The following WDR62 variants were observed in gnomAD, a reference collection of about 807,000 sequenced individuals.
WDR62 encodes the protein WD repeat domain 62.
In WDR62, 112 loss-of-function variants were observed where a neutral mutation model predicts 160.6. That is an observed-to-expected ratio of 0.70 (90% CI 0.60 to 0.82). The LOEUF is 0.82. Among genes scored for constraint, WDR62 ranks in the 40% least tolerant of loss-of-function variants. WDR62 has a pLI of 0.00. For synonymous variants in WDR62, 792 were observed against 815.1 expected (o/e 0.97, Z 0.48); for missense variants, 1,819 against 1,983.8 (o/e 0.92, Z 1.58).
At position 36,090,439 on chromosome 19, in the gene WDR62, C is replaced by T; in HGVS notation, c.1959-6C>T. 6.2e-7 allele frequency: 1 copy of T among 1,613,998 alleles called. No individual in the cohort carries two copies. The highest frequency in any genetic ancestry group is 1.1e-5 in the South Asian group (1 of 91,084). On this transcript the variant is annotated splice_region_variant and splice_polypyrimidine_tract_variant and intron_variant, in intron 15 of 31. Transcript: ENST00000401500. ...TGTTGGCCGCAACATGCCCCTACTT[C>T]CCCAGAGTCTACAACACTGTGAACG... is the stretch of plus-strand genomic sequence containing the variant.
Position 36,067,332 on chromosome 19 carries a change from G to A in WDR62, c.588G>A (p.Lys196=). The change falls in exon 6 of 32, where the codon AAG becomes AAA. Residue 196 remains lysine, a synonymous_variant. Transcript: ENST00000401500. ...WKKDIVVASN[K]VSCRVIALSF... ...AAGACATCGTAGTGGCCTCCAACAAGGTATCTTGTAGAGTCATTGCCCTCT... is the reference window on the plus strand; with the variant it reads ...AAGACATCGTAGTGGCCTCCAACAAAGTATCTTGTAGAGTCATTGCCCTCT... The A allele has an allele frequency of 1.2e-6, 2 of 1,614,200 alleles. No homozygotes were observed. Among genetic ancestry groups the A allele is most frequent in the Non-Finnish European group, 1.7e-6 (2 of 1,180,042 alleles).
chr19:36,091,280 C>G lies in WDR62; in HGVS notation c.2115C>G (p.Gly705=). The change falls in exon 17 of 32, where the codon GGC becomes GGG. Residue 705 remains glycine (G), a synonymous_variant. Coordinates refer to ENST00000401500, the MANE Select transcript of WDR62 (RefSeq NM_001083961.2). ...KSISVIDFYS[G]ECIAKMFGHS... The stretch of plus-strand genomic sequence containing the variant: ...TCTCAGTGATTGACTTTTACTCGGG[C>G]GAGTGCATTGCCAAGATGTTTGGCC... The G allele has an allele frequency of 6.2e-7, 1 of 1,613,900 alleles. No individual in the cohort carries two copies. The highest frequency in any genetic ancestry group is 8.5e-7 in the Non-Finnish European group (1 of 1,180,044).
Position 36,103,640 on chromosome 19 carries a change from C to T in WDR62, c.3812C>T (p.Ala1271Val), listed in dbSNP as rs111294536. The change falls in exon 30 of 32, where the codon GCG becomes GTG. Residue 1271 changes from alanine to valine, a missense_variant. Ala to Val is a moderately conservative substitution (Grantham distance 64). Around this residue, in one of 3 missense-constraint regions of WDR62, gnomAD observed 770 missense variants for 734.2 expected, o/e 1.05. Coordinates refer to ENST00000401500, the MANE Select transcript of WDR62 (RefSeq NM_001083961.2). ...CAGGAGCTTCAGGCCATCACCACCG[C>T]GACAACACCCAGTTTGGACAGTGAG... The part of the protein sequence containing the change: ...LGQELQAITT[A>V]TTPSLDSEGQ... The T allele has an allele frequency of 4.4e-3, 7,001 of 1,609,386 alleles. 23 individuals carry two copies. Among genetic ancestry groups the T allele is most frequent in the Non-Finnish European group, 5.4e-3 (6,423 of 1,179,596 alleles).
intron 1 of WDR62, among the ~76,000 whole-genome samples, chr19:36,055,816 A>T (rs193179795): frequency 6.6e-6 from 1 of 152,304 alleles, no homozygotes; most frequent in East Asian, 1.9e-4. Context: ...GGCAATTAAA[A>T]AAATTGTTTT....
intron 7 of WDR62, 77 bp downstream of exon 7, chr19:36,068,087 T>C (rs979971158): frequency 6.6e-7 from 1 of 1,515,750 alleles, no homozygotes; most frequent in African/African-American, 1.4e-5. Context: ...TCATCAGCAT[T>C]GACCACACAG....
In WDR62 at chr19:36,073,404, C is replaced by T. The variant is rs770870866; in HGVS notation, c.1106C>T (p.Pro369Leu). 6.2e-7 allele frequency: 1 copy of T among 1,614,152 alleles called. No homozygotes were observed. The change falls in exon 9 of 32, where the codon CCC (proline) becomes CTC (leucine). Residue 369 changes from proline to leucine, a missense_variant. This residue lies in a region of WDR62 where 934 missense variants were observed against 1,157.2 expected (regional missense o/e 0.81). Coordinates refer to ENST00000401500, the MANE Select transcript of WDR62 (RefSeq NM_001083961.2). ...GATACAGTGGCACTGACCTTCGACC[C>T]CATCCACCAGTGGCTGTCCTGCGTG... ...YPDTVALTFDPIHQWLSCVYK... is the reference protein window; with the variant it reads ...YPDTVALTFDLIHQWLSCVYK...
chr19:36,073,550 C>G lies in WDR62; in HGVS notation c.1233+19C>G, dbSNP rs1488113219. On this transcript the variant is annotated intron_variant, in intron 9 of 31. Coordinates refer to ENST00000401500, the MANE Select transcript of WDR62 (RefSeq NM_001083961.2). ...CGTGGAGGTGAGCCCCCCCCCCACC[C>G]CCTTGCCCCTGCTTGGCCTCTGCAC... The G allele has an allele frequency of 6.4e-7, 1 of 1,552,644 alleles. No individual in the cohort carries two copies. Among genetic ancestry groups the G allele is most frequent in the African/African-American group, 1.4e-5 (1 of 73,416 alleles).
intron 7 of WDR62, among the ~76,000 whole-genome samples, chr19:36,069,545 G>A (rs547407203): frequency 8.8e-4 from 133 of 151,810 alleles, no homozygotes; most frequent in African/African-American, 3.2e-3. Flanking sequence ...CATCCCAGAC[G>A]ATGGGCGGCC....
At chr19:36,096,568 G>A (rs372017940) in intron 20 of WDR62, among the ~76,000 whole-genome samples, 70 of 152,058 alleles carry the variant, frequency 4.6e-4, no homozygotes, top group Non-Finnish European at 8.4e-4. Flanking sequence ...AAAATTAGCC[G>A]GGCATGGTGG....
chr19:36,105,131 C>G, downstream of WDR62: 4 of 1,441,468 alleles, frequency 2.8e-6, no homozygotes, highest in Non-Finnish European at 3.7e-6. Context: ...TCTGTTTGGG[C>G]CTATCCACAA....
At position 36,054,914 on chromosome 19, in the gene WDR62, T is replaced by C. The variant is rs1970259808; in HGVS notation, c.-58T>C. 3 of 1,542,070 alleles carry C rather than the reference T, an allele frequency of 1.9e-6. No individual in the cohort carries two copies. Among genetic ancestry groups the C allele is most frequent in the African/African-American group, 1.4e-5 (1 of 73,308 alleles). On this transcript the variant is annotated 5_prime_UTR_variant, in exon 1 of 32. Coordinates refer to ENST00000401500, the MANE Select transcript of WDR62 (RefSeq NM_001083961.2). ...GGCTGTTCGCTGTTCCAGTGGGTCG[T>C]GGCGGTGGCGGCAGCGGCGGTTAGG... is the stretch of plus-strand genomic sequence containing the variant.
chr19:36,094,009 C>T, intron 19 of WDR62, 22 bp from the exon 20 acceptor site: 2 of 1,613,310 alleles, frequency 1.2e-6, no homozygotes, highest in Non-Finnish European at 1.7e-6. Flanking sequence ...TCTCTCCTTA[C>T]CATCCTCATT....
chr19:36,094,627 C>T (rs1262752053), intron 20 of WDR62, among the ~76,000 whole-genome samples: 3 of 151,512 alleles, frequency 2.0e-5, no homozygotes, highest in Non-Finnish European at 4.4e-5. Flanking sequence ...TGGTGGCTCA[C>T]ACCTGGAATT....
chr19:36,100,046 G>A (rs1252155773), intron 22 of WDR62, among the ~76,000 whole-genome samples: 1 of 152,188 alleles, frequency 6.6e-6, no homozygotes, highest in African/African-American at 2.4e-5. Flanking sequence ...ACGATCACTT[G>A]AGGAGTTCAA....
chr19:36,076,880 A>C (rs1971599477), intron 9 of WDR62, among the ~76,000 whole-genome samples: 1 of 152,168 alleles, frequency 6.6e-6, no homozygotes, highest in African/African-American at 2.4e-5. Flanking sequence ...CAGGATCTGA[A>C]TATGTAGCCA....
chr19:36,091,151 A>G (rs1304338166), intron 16 of WDR62, 49 bp from the exon 17 acceptor site: 2 of 1,529,002 alleles, frequency 1.3e-6, no homozygotes, highest in Non-Finnish European at 1.8e-6. Context: ...GCCTCATCAT[A>G]AGGAAGAAGC....
intron 9 of WDR62, among the ~76,000 whole-genome samples, chr19:36,074,644 A>G (rs1459385024): frequency 6.6e-6 from 1 of 152,190 alleles, no homozygotes; most frequent in Non-Finnish European, 1.5e-5. Context: ...GTGAGAAAGA[A>G]CTTTGTCCTT....
chr19:36,101,088 C>CGG, intron 23 of WDR62, 126 bp from the exon 24 acceptor site: 1 of 1,158,996 alleles, frequency 8.6e-7, no homozygotes, highest in Non-Finnish European at 1.3e-6. Context: ...TTGGAGGAGG[C>CGG]GGGGAGGCTG....
chr19:36,073,147 G>A (rs10425692), intron 8 of WDR62, among the ~76,000 whole-genome samples, 195 bp from the exon 9 acceptor site: 1 of 152,088 alleles, frequency 6.6e-6, no homozygotes, highest in African/African-American at 2.4e-5. Context: ...AAAAATTTCC[G>A]GTTTGTAGCC....
Sources: gnomAD v4.1 joint callset for allele counts (sites outside exome capture counted in the v4.1 genomes callset) on GRCh38, gnomAD v4.1.1 for gene constraint, gnomAD v4.1.1 regional missense constraint, MANE v1.5 for transcripts, NCBI Gene and HGNC (gene_info 2026-07-23, HGNC 2026-07-21) for gene names.